DPP6: variants seen among roughly 807,000 people sequenced by gnomAD.
The protein encoded by DPP6 is dipeptidyl peptidase like 6, also known as A-type potassium channel modulatory protein DPP6.
Under a neutral mutation model 122.6 loss-of-function variants are expected in DPP6, and 69 were observed. The observed-to-expected ratio is 0.56, with a 90% CI of 0.46 to 0.69. The LOEUF is 0.69. Ranked by LOEUF, DPP6 falls within the 30% of genes least tolerant of loss-of-function variation. The pLI is 0.00. For missense variants in DPP6, 928 were observed against 1,116.9 expected, an observed-to-expected ratio of 0.83 and a Z score of 2.41; for synonymous variants, 418 against 433.1, an observed-to-expected ratio of 0.97 and a Z score of 0.43.
intron 1 of DPP6, among the ~76,000 whole-genome samples, chr7:154,205,909 G>A (rs1799422637): frequency 6.6e-6 from 1 of 152,294 alleles, no homozygotes; most frequent in Admixed American, 6.5e-5. Flanking sequence ...TCCTGCCTGT[G>A]TGTGCAGGAG....
At chr7:153,790,617 C>T in the DPP6 span, among the ~76,000 whole-genome samples, 1 of 152,096 alleles carries the variant, frequency 6.6e-6, no homozygotes, top group East Asian at 1.9e-4. Context: ...AAAATGTTTC[C>T]GTTGATACTG....
chr7:154,834,901 T>C (rs1800929453), intron 16 of DPP6, among the ~76,000 whole-genome samples: 1 of 152,172 alleles, frequency 6.6e-6, no homozygotes, highest in Non-Finnish European at 1.5e-5. Context: ...CAAAGGTTTG[T>C]TGTGATAGTG....
intron 12 of DPP6, among the ~76,000 whole-genome samples, chr7:154,797,774 G>A (rs555901227): frequency 1.3e-5 from 2 of 152,234 alleles, no homozygotes; most frequent in South Asian, 2.1e-4. Flanking sequence ...TTATTAGTAC[G>A]TTTTCTTTTG....
At chr7:154,799,971 T>C (rs1238817637) in intron 12 of DPP6, among the ~76,000 whole-genome samples, 2 of 152,238 alleles carry the variant, frequency 1.3e-5, no homozygotes, top group Non-Finnish European at 2.9e-5. Flanking sequence ...GGAGGCCTTC[T>C]TATTATAAAA....
chr7:154,162,859 G>A (rs1797050965), intron 1 of DPP6, among the ~76,000 whole-genome samples: 1 of 152,024 alleles, frequency 6.6e-6, no homozygotes, highest in Admixed American at 6.6e-5. Context: ...AGTGGAACTT[G>A]CTAGTGTTGT....
the DPP6 span, among the ~76,000 whole-genome samples, chr7:153,766,199 G>A: frequency 1.3e-5 from 2 of 152,182 alleles, no homozygotes; most frequent in African/African-American, 4.8e-5. Flanking sequence ...TCTTTGAACT[G>A]GGGTTAGACA....
intron 1 of DPP6, among the ~76,000 whole-genome samples, chr7:154,178,787 G>A (rs1797934691): frequency 6.6e-6 from 1 of 152,206 alleles, no homozygotes; most frequent in Non-Finnish European, 1.5e-5. Context: ...AGATTAGGAG[G>A]GAGAAGTTGA....
intron 17 of DPP6, chr7:154,865,311 T>TAA (rs2150614496): frequency 6.6e-6 from 1 of 152,378 alleles, no homozygotes; most frequent in Non-Finnish European, 1.5e-5. Context: ...GTTCCTCACC[T>TAA]GTTTTGCACC....
At chr7:154,036,292 GC>G (rs1799530908) in intron 1 of DPP6, among the ~76,000 whole-genome samples, 1 of 107,652 alleles carries the variant, frequency 9.3e-6, no homozygotes, top group Non-Finnish European at 2.0e-5. Context: ...TATATTTTTA[GC>G]GGGGGGTTGG....
At chr7:154,133,729 T>C (rs1422665693) in intron 1 of DPP6, among the ~76,000 whole-genome samples, 1 of 151,282 alleles carries the variant, frequency 6.6e-6, no homozygotes, top group African/African-American at 2.4e-5. Flanking sequence ...TGGGACAGAG[T>C]CATTTAATTT....
intron 1 of DPP6, among the ~76,000 whole-genome samples, chr7:154,278,379 G>A (rs144208436): frequency 6.6e-6 from 1 of 152,312 alleles, no homozygotes; most frequent in East Asian, 1.9e-4. Flanking sequence ...GACTTTGCTT[G>A]CTGCTTTGTT....
chr7:154,059,374 G>C (rs1235195639), intron 1 of DPP6: 1 of 154,634 alleles, frequency 6.5e-6, no homozygotes, highest in Non-Finnish European at 1.4e-5. Flanking sequence ...GACCCACCTG[G>C]AGGACTGTGG....
Position 154,745,485 on chromosome 7 carries a change from A to G in DPP6, c.883+17598A>G, listed in dbSNP as rs146933798. ...TAGTAACACCCGGCCTTCCCATCTC[A>G]TTAGAGGCTAGAATGCTCAATGGAC... On this transcript the variant is annotated intron_variant, in intron 8 of 25. Coordinates refer to ENST00000377770, the MANE Select transcript of DPP6 (RefSeq NM_130797.4). 2.0e-5 allele frequency among the ~76,000 whole-genome samples: 3 copies of G among 152,332 alleles called. No individual in the cohort carries two copies. The East Asian group carries it at 5.8e-4, about 29-fold the overall frequency.
At chr7:154,410,704 A>G (rs1226574736) in intron 1 of DPP6, among the ~76,000 whole-genome samples, 1 of 152,246 alleles carries the variant, frequency 6.6e-6, no homozygotes, top group Non-Finnish European at 1.5e-5. Flanking sequence ...TTATTGCTGC[A>G]GTAGATTTTT....
chr7:153,875,934 A>AG, the DPP6 span, among the ~76,000 whole-genome samples: 22 of 151,362 alleles, frequency 1.5e-4, no homozygotes, highest in Non-Finnish European at 2.5e-4. Context: ...CAAAAAAAAA[A>AG]AAAAACCCTG....
chr7:154,608,339 A>ATTT (rs760570719), intron 5 of DPP6, among the ~76,000 whole-genome samples: 15 of 118,696 alleles, frequency 1.3e-4, no homozygotes, highest in Non-Finnish European at 2.5e-4. Context: ...ATATATATAT[A>ATTT]TATTTTGAGA....
chr7:154,241,405 G>T lies in DPP6; in HGVS notation c.243+188342G>T, dbSNP rs927174611. 6.6e-6 allele frequency among the ~76,000 whole-genome samples: 1 copy of T among 151,916 alleles called. No homozygotes were observed. The highest frequency in any genetic ancestry group is 2.4e-5 in the African/African-American group (1 of 41,342). On this transcript the variant is annotated intron_variant, in intron 1 of 25. Transcript: ENST00000377770. The surrounding 1 kb of genome is among the most constrained non-coding windows in gnomAD (Gnocchi z 9.0). The stretch of plus-strand genomic sequence containing the variant: ...AAAGATCCCATTCTGGCAGGTCATG[G>T]TGACTCACACCTGGCGTGGAGGTGA...
chr7:154,429,332 A>G (rs1249464395), intron 1 of DPP6, among the ~76,000 whole-genome samples: 1 of 152,164 alleles, frequency 6.6e-6, no homozygotes, highest in Non-Finnish European at 1.5e-5. Flanking sequence ...AGCTTCACAG[A>G]TGGGTGGGCA....
At chr7:154,862,563 T>G (rs877472) in intron 17 of DPP6, among the ~76,000 whole-genome samples, 2 of 152,142 alleles carry the variant, frequency 1.3e-5, no homozygotes, top group Non-Finnish European at 2.9e-5. Context: ...CAGGTGCTTC[T>G]TCCTCTCTAC....
Sources: allele counts gnomAD v4.1 joint callset (sites outside exome capture counted in the v4.1 genomes callset), GRCh38; gene constraint gnomAD v4.1.1; non-coding constraint Gnocchi (gnomAD v3.1); transcripts MANE v1.5; gene names NCBI Gene and HGNC (gene_info 2026-07-23, HGNC 2026-07-21).